Variants in MAP3K5 observed in about 807,000 individuals in gnomAD.
MAP3K5 encodes the protein mitogen-activated protein kinase kinase kinase 5.
Under a neutral mutation model 158.7 loss-of-function variants are expected in MAP3K5, and 56 were observed. The ratio of observed to expected loss-of-function variants is 0.35; its 90% CI spans 0.28 to 0.44. The LOEUF (loss-of-function observed/expected upper bound fraction) is 0.44. Ranked by LOEUF, MAP3K5 falls within the 20% of genes least tolerant of loss-of-function variation. MAP3K5 has a pLI of 1.00. For synonymous variants in MAP3K5, 579 were observed against 601.7 expected (o/e 0.96, Z 0.55); for missense variants, 1,294 against 1,674.8 (o/e 0.77, Z 3.97).
intron 1 of MAP3K5, among the ~76,000 whole-genome samples, chr6:136,729,456 G>T (rs1782112309): frequency 6.6e-6 from 1 of 152,222 alleles, no homozygotes; most frequent in Non-Finnish European, 1.5e-5. Flanking sequence ...AACTCACCAT[G>T]AATGGTAATC....
At chr6:136,724,308 GCACAACCTCAGCT>G (rs984377170) in intron 1 of MAP3K5, among the ~76,000 whole-genome samples, 139 of 151,318 alleles carry the variant, frequency 9.2e-4, no homozygotes, top group African/African-American at 3.3e-3. Flanking sequence ...GAGTGCAGGG[GCACAACCTCAGCT>G]CACTGCAACC....
At chr6:136,689,172 C>T (rs1482281977) in intron 7 of MAP3K5, among the ~76,000 whole-genome samples, 1 of 151,936 alleles carries the variant, frequency 6.6e-6, no homozygotes, top group Non-Finnish European at 1.5e-5. Context: ...TTATAGCGTG[C>T]ACCTGTTGTC....
At chr6:136,623,259 T>C (rs1776889598) in intron 14 of MAP3K5, among the ~76,000 whole-genome samples, 1 of 152,230 alleles carries the variant, frequency 6.6e-6, no homozygotes, top group Non-Finnish European at 1.5e-5. Context: ...TTTTACCCAC[T>C]CAGTCCTGTT....
chr6:136,631,812 A>G (rs1196594993), intron 14 of MAP3K5, among the ~76,000 whole-genome samples: 1 of 152,122 alleles, frequency 6.6e-6, no homozygotes, highest in Admixed American at 6.5e-5. Flanking sequence ...ACCTGGCACC[A>G]TGTGAGCTCA....
intron 23 of MAP3K5, among the ~76,000 whole-genome samples, chr6:136,588,925 C>G (rs1775259390): frequency 6.6e-6 from 1 of 152,182 alleles, no homozygotes; most frequent in African/African-American, 2.4e-5. Context: ...CCTTTAGGAC[C>G]CAAGTCAAGG....
intron 7 of MAP3K5, among the ~76,000 whole-genome samples, chr6:136,678,871 A>G (rs1270042414): frequency 6.6e-6 from 1 of 152,058 alleles, no homozygotes; most frequent in Admixed American, 6.5e-5. Context: ...GACTACAGCC[A>G]TGTGCCACCA....
intron 8 of MAP3K5, among the ~76,000 whole-genome samples, chr6:136,660,387 T>A (rs1030313640): frequency 2.0e-5 from 3 of 150,610 alleles, no homozygotes; most frequent in Admixed American, 1.3e-4. Context: ...TTCTGTCTCA[T>A]GAAAAAAAAT....
rs73777945 is a variant in MAP3K5 at position 136,642,511 on chromosome 6, G to A, written c.1838+9C>T. 3.8e-3 allele frequency: 6,022 copies of A among 1,599,564 alleles called. 180 individuals carry two copies. In the African/African-American group the frequency reaches 0.068, roughly 18 times the overall value. On this transcript the variant is annotated intron_variant, in intron 12 of 29. Transcript: ENST00000359015. ...TTATAAGTTAACAAAATGTACCAAGGAAACTTACCTCACTCCCCTGACAGA... is the reference window on the plus strand; with the variant it reads ...TTATAAGTTAACAAAATGTACCAAGAAAACTTACCTCACTCCCCTGACAGA...
chr6:136,680,050 CCA>C (rs35553089), intron 7 of MAP3K5, among the ~76,000 whole-genome samples: 56 of 148,862 alleles, frequency 3.8e-4, no homozygotes, highest in Admixed American at 1.2e-3. Context: ...AATAAGCTAG[CCA>C]CACACACACA....
At chr6:136,604,776 T>A (rs59142889) in intron 19 of MAP3K5, among the ~76,000 whole-genome samples, 1 of 149,054 alleles carries the variant, frequency 6.7e-6, no homozygotes, top group Non-Finnish European at 1.5e-5. Context: ...TCTTTTTTTT[T>A]TAAAAAAAAT....
intron 1 of MAP3K5, among the ~76,000 whole-genome samples, chr6:136,747,897 C>T (rs1783030212): frequency 6.6e-6 from 1 of 152,130 alleles, no homozygotes; most frequent in African/African-American, 2.4e-5. Context: ...GGAATGCTTT[C>T]AGCATACAAT....
chr6:136,627,887 C>T (rs1013504031), intron 14 of MAP3K5, among the ~76,000 whole-genome samples: 3 of 152,214 alleles, frequency 2.0e-5, no homozygotes, highest in South Asian at 2.1e-4. Context: ...CTCGTCTGGA[C>T]ACTTGAGCTC....
At chr6:136,688,357 A>G (rs1328594986) in intron 7 of MAP3K5, among the ~76,000 whole-genome samples, 2 of 152,254 alleles carry the variant, frequency 1.3e-5, no homozygotes, top group East Asian at 3.9e-4. Context: ...ACCATGGCAT[A>G]TATATATACC....
At chr6:136,708,145 C>G (rs1383544910) in intron 2 of MAP3K5, among the ~76,000 whole-genome samples, 1 of 152,108 alleles carries the variant, frequency 6.6e-6, no homozygotes, top group African/African-American at 2.4e-5. Flanking sequence ...TCATTTTGTA[C>G]TTTTAAATGT....
chr6:136,584,124 T>A (rs1158442820), intron 23 of MAP3K5, among the ~76,000 whole-genome samples: 1 of 152,168 alleles, frequency 6.6e-6, no homozygotes, highest in African/African-American at 2.4e-5. Context: ...TATAGTCAGA[T>A]AACAAAGCTT....
intron 25 of MAP3K5, among the ~76,000 whole-genome samples, chr6:136,578,830 C>T (rs1461954915): frequency 6.6e-6 from 1 of 151,710 alleles, no homozygotes; most frequent in Non-Finnish European, 1.5e-5. Context: ...GAAGGGTTGG[C>T]CTGAACTTAA....
intron 1 of MAP3K5, among the ~76,000 whole-genome samples, chr6:136,780,930 A>C (rs1784588088): frequency 6.6e-6 from 1 of 152,180 alleles, no homozygotes; most frequent in Non-Finnish European, 1.5e-5. Flanking sequence ...CACGTTATAC[A>C]TCTTTATACT....
At chr6:136,770,690 G>A (rs924929441) in intron 1 of MAP3K5, among the ~76,000 whole-genome samples, 9 of 152,252 alleles carry the variant, frequency 5.9e-5, no homozygotes, top group South Asian at 2.1e-4. Context: ...CCAGAAATTC[G>A]AGGCCGCAGT....
intron 1 of MAP3K5, among the ~76,000 whole-genome samples, chr6:136,742,902 T>C (rs971720209): frequency 7.9e-5 from 12 of 152,082 alleles, no homozygotes; most frequent in African/African-American, 2.9e-4. Context: ...TATGAAAACA[T>C]GTTCATGGGG....
Sources: gnomAD v4.1 joint callset for allele counts (sites outside exome capture counted in the v4.1 genomes callset) on GRCh38, gnomAD v4.1.1 for gene constraint, MANE v1.5 for transcripts, NCBI Gene and HGNC (gene_info 2026-07-23, HGNC 2026-07-21) for gene names.